The following PM20D2 variants were observed in gnomAD, a reference collection of about 807,000 sequenced individuals.
The protein encoded by PM20D2 is peptidase M20 domain containing 2, also known as xaa-Arg dipeptidase.
In PM20D2, 33 loss-of-function variants were observed where a neutral mutation model predicts 42.9. That is an observed-to-expected ratio of 0.77 (90% CI 0.58 to 1.03). The LOEUF (loss-of-function observed/expected upper bound fraction) is 1.03, where lower values mean the gene tolerates loss of function less well. PM20D2 is among the 50% of genes least tolerant of loss of function. The probability of loss-of-function intolerance (pLI) is 0.00; values close to 1 mark genes in which losing one functional copy is unlikely to be tolerated. For synonymous variants in PM20D2, 250 were observed against 228.2 expected, an observed-to-expected ratio of 1.10 and a Z score of -0.86; for missense variants, 548 against 557.0, an observed-to-expected ratio of 0.98 and a Z score of 0.16.
At chr6:89,139,245 T>A in the PM20D2 span, among the ~76,000 whole-genome samples, 20 of 11,142 alleles carry the variant, frequency 1.8e-3, no homozygotes, top group Middle Eastern at 0.038. Context: ...GTTTTTAAAT[T>A]TTTTTTGTGT....
At chr6:89,151,291 C>T (rs1363736104) in intron 2 of PM20D2, among the ~76,000 whole-genome samples, 2 of 147,124 alleles carry the variant, frequency 1.4e-5, no homozygotes, top group Non-Finnish European at 3.0e-5. Flanking sequence ...AGTACAGTGG[C>T]GCAATCTCAG....
At chr6:89,133,441 C>T in the PM20D2 span, among the ~76,000 whole-genome samples, 1 of 150,790 alleles carries the variant, frequency 6.6e-6, no homozygotes, top group African/African-American at 2.5e-5. Flanking sequence ...TCTATAGAGT[C>T]TTCAGAAGCT....
chr6:89,098,617 A>G, the PM20D2 span: 1 of 1,613,676 alleles, frequency 6.2e-7, no homozygotes, highest in Non-Finnish European at 8.5e-7. Flanking sequence ...GAGATCTGGA[A>G]TGTGACCGAA....
chr6:89,109,574 T>C, the PM20D2 span, among the ~76,000 whole-genome samples: 3 of 151,986 alleles, frequency 2.0e-5, no homozygotes, highest in Non-Finnish European at 4.4e-5. Context: ...ATAGATAATA[T>C]AAAAGAGGAG....
At chr6:89,132,159 C>T in the PM20D2 span, among the ~76,000 whole-genome samples, 13 of 152,122 alleles carry the variant, frequency 8.5e-5, no homozygotes, top group African/African-American at 2.7e-4. Context: ...GACAGATCCA[C>T]TCAAGAAAAA....
At chr6:89,105,535 C>T in the PM20D2 span, 1 of 1,591,478 alleles carries the variant, frequency 6.3e-7, no homozygotes, top group Non-Finnish European at 8.5e-7. Flanking sequence ...TCAAATATGA[C>T]TAGCTGTTAA....
the PM20D2 span, chr6:89,099,092 T>C: frequency 9.3e-6 from 10 of 1,073,964 alleles, no homozygotes; most frequent in Non-Finnish European, 1.0e-5. Context: ...TTATTATGCA[T>C]GCTTTTGGTT....
chr6:89,111,359 G>C, the PM20D2 span, among the ~76,000 whole-genome samples: 1 of 152,082 alleles, frequency 6.6e-6, no homozygotes, highest in African/African-American at 2.4e-5. Context: ...TGGTGCAAAG[G>C]TTCTGCACAT....
At chr6:89,109,782 AT>A in the PM20D2 span, among the ~76,000 whole-genome samples, 1 of 152,214 alleles carries the variant, frequency 6.6e-6, no homozygotes, top group Non-Finnish European at 1.5e-5. Context: ...ATAAACACCC[AT>A]GTATCTACCA....
In PM20D2 at chr6:89,158,409, A is replaced by G. The variant is rs10944433; in HGVS notation, c.997A>G (p.Lys333Glu). Residue 333 changes from lysine (K) to glutamate (E), a missense_variant, in exon 5 of 7, where the codon AAG becomes GAG. Physicochemically the swap from Lys to Glu is moderately conservative, Grantham distance 56. This residue lies in a region of PM20D2 where 470 missense variants were observed against 464.4 expected (regional missense o/e 1.01). Coordinates refer to ENST00000275072, the MANE Select transcript of PM20D2 (RefSeq NM_001010853.3). ...LWKAYMENGR[K>E]LGIEFISEDT... ...GAAAGCCTATATGGAAAATGGAAGAAAGCTAGGAATAGAGTTCATTTCAGA... is the reference window on the plus strand; with the variant it reads ...GAAAGCCTATATGGAAAATGGAAGAGAGCTAGGAATAGAGTTCATTTCAGA... 8,007 of 1,612,730 alleles carry G rather than the reference A, an allele frequency of 5.0e-3. 186 individuals are homozygous for G. The East Asian group carries it at 0.059, about 12-fold the overall frequency.
the PM20D2 span, among the ~76,000 whole-genome samples, chr6:89,099,274 A>T: frequency 2.6e-5 from 4 of 151,896 alleles, no homozygotes; most frequent in African/African-American, 4.8e-5. Context: ...TAAAAAAATC[A>T]ATTATTTACA....
the PM20D2 span, chr6:89,118,050 G>A: frequency 6.5e-6 from 3 of 464,040 alleles, no homozygotes; most frequent in Non-Finnish European, 9.6e-6. Flanking sequence ...GGCGCAGAGG[G>A]GGCGCAGCGC....
chr6:89,120,608 T>C, the PM20D2 span, among the ~76,000 whole-genome samples: 2,346 of 152,158 alleles, frequency 0.015, 58 homozygotes, highest in African/African-American at 0.052. Flanking sequence ...CTCATGCCTG[T>C]ATCCTGGTGC....
chr6:89,160,222 G>T (rs1038088716), intron 5 of PM20D2, among the ~76,000 whole-genome samples: 1 of 152,138 alleles, frequency 6.6e-6, no homozygotes, highest in Non-Finnish European at 1.5e-5. Flanking sequence ...AATATTTTCT[G>T]AAGCAGTACT....
rs1770539181 is a variant in PM20D2 at position 89,146,231 on chromosome 6, G to C, written c.87G>C (p.Glu29Asp). Residue 29 changes from glutamate to aspartate, a missense_variant, in exon 1 of 7, where the codon GAG becomes GAC. Transcript: ENST00000275072. ...ELELLKLRSA[E>D]CIDEAAERLG... ...AGCTACTGAAGCTGCGCTCGGCGGAGTGCATCGACGAGGCGGCCGAGCGGC... is the reference window on the plus strand; with the variant it reads ...AGCTACTGAAGCTGCGCTCGGCGGACTGCATCGACGAGGCGGCCGAGCGGC... The C allele has an allele frequency of 6.3e-7, 1 of 1,580,966 alleles. No individual in the cohort carries two copies. Among genetic ancestry groups the C allele is most frequent in the Non-Finnish European group, 8.5e-7 (1 of 1,171,268 alleles).
chr6:89,133,994 A>G, the PM20D2 span, among the ~76,000 whole-genome samples: 1 of 151,314 alleles, frequency 6.6e-6, no homozygotes, highest in African/African-American at 2.5e-5. Flanking sequence ...GCAGACCTTG[A>G]CCCAACGACG....
At chr6:89,107,158 C>T in the PM20D2 span, 3 of 1,613,716 alleles carry the variant, frequency 1.9e-6, no homozygotes, top group Non-Finnish European at 2.5e-6. Flanking sequence ...GGATATTGAA[C>T]ATAAGCAAAT....
At chr6:89,115,647 T>TTC in the PM20D2 span, among the ~76,000 whole-genome samples, 4 of 128,980 alleles carry the variant, frequency 3.1e-5, no homozygotes, top group East Asian at 7.1e-4. Flanking sequence ...TTTTTTTTTT[T>TTC]TTTTTTGAGA....
upstream of PM20D2, among the ~76,000 whole-genome samples, chr6:89,141,975 C>T (rs1394705394): frequency 2.6e-5 from 2 of 77,158 alleles, no homozygotes; most frequent in Non-Finnish European, 5.3e-5. Context: ...GGCTTATTTA[C>T]TATTTATTTT....
Sources: allele counts gnomAD v4.1 joint callset (sites outside exome capture counted in the v4.1 genomes callset), GRCh38; gene constraint gnomAD v4.1.1; regional missense constraint gnomAD v4.1.1; transcripts MANE v1.5; gene names NCBI Gene and HGNC (gene_info 2026-07-23, HGNC 2026-07-21).